Variants in GALNT6 observed in about 807,000 individuals in gnomAD.
GALNT6 encodes GalNAc transferase 6.
Under a neutral mutation model 65.9 loss-of-function variants are expected in GALNT6, and 51 were observed. The observed-to-expected ratio is 0.77, with a 90% CI of 0.62 to 0.98. The LOEUF is 0.98. GALNT6 is among the 50% of genes least tolerant of loss of function. The pLI is 0.00. For synonymous variants in GALNT6, 323 were observed against 315.1 expected (o/e 1.02, Z -0.26); for missense variants, 708 against 803.3 (o/e 0.88, Z 1.43).
At chr12:51,357,308 G>T in intron 10 of GALNT6, 41 bp downstream of exon 10, 1 of 1,274,984 alleles carries the variant, frequency 7.8e-7, no homozygotes, top group Non-Finnish European at 1.1e-6. Flanking sequence ...AAAGGAGCCG[G>T]TGAGGAGAGG....
chr12:51,381,920 A>G (rs1947685747), intron 2 of GALNT6, among the ~76,000 whole-genome samples: 1 of 152,260 alleles, frequency 6.6e-6, no homozygotes. Context: ...TTGCTTAAAA[A>G]TAACTCTGGT....
At chr12:51,357,926 C>T (rs1946800906) in intron 9 of GALNT6, among the ~76,000 whole-genome samples, 1 of 152,214 alleles carries the variant, frequency 6.6e-6, no homozygotes, top group African/African-American at 2.4e-5. Context: ...TTCAGGACCA[C>T]TGCTTGTGGG....
chr12:51,377,201 T>G lies in GALNT6; in HGVS notation c.658A>C (p.Thr220Pro), dbSNP rs1947483033. The G allele has an allele frequency of 6.2e-7, 1 of 1,613,346 alleles. No individual in the cohort carries two copies. Among genetic ancestry groups the G allele is most frequent in the South Asian group, 1.1e-5 (1 of 91,050 alleles). Residue 220 changes from threonine to proline, a missense_variant, in exon 4 of 12, where the codon ACA (threonine) becomes CCA (proline). Thr to Pro is a conservative substitution (Grantham distance 38). Transcript: ENST00000356317. ...KEIILVDDAS[T>P]EEHLKEKLEQ... The stretch of plus-strand genomic sequence containing the variant: ...TGGGCCCCTCCAGCCTCACCCTCTG[T>G]GCTGGCATCATCCACCAGTATGATC...
At chr12:51,371,410 T>G (rs1947291561) in intron 4 of GALNT6, among the ~76,000 whole-genome samples, 1 of 152,168 alleles carries the variant, frequency 6.6e-6, no homozygotes, top group Non-Finnish European at 1.5e-5. Context: ...CAGCACTCTT[T>G]CTGCTCCCTG....
chr12:51,377,422 T>A (rs1277813346), intron 3 of GALNT6, 55 bp from the exon 4 acceptor site: 15 of 1,513,380 alleles, frequency 9.9e-6, no homozygotes, highest in Non-Finnish European at 1.4e-5. Context: ...GTACCAGGTG[T>A]GGGGAGGGCC....
chr12:51,385,623 GC>G (rs1033053744), intron 2 of GALNT6, among the ~76,000 whole-genome samples: 6 of 151,982 alleles, frequency 3.9e-5, no homozygotes, highest in South Asian at 4.2e-4. Context: ...TTATATTCTA[GC>G]CCCCCTCCAA....
intron 3 of GALNT6, among the ~76,000 whole-genome samples, chr12:51,377,754 G>A (rs866130685): frequency 6.6e-6 from 1 of 152,200 alleles, no homozygotes. Context: ...AGGTCCCAGA[G>A]GGGTAGGTAA....
chr12:51,373,923 A>C (rs957610566), intron 4 of GALNT6, among the ~76,000 whole-genome samples: 8 of 152,172 alleles, frequency 5.3e-5, no homozygotes. Flanking sequence ...ACAATGGTGC[A>C]GTCAAGGCTC....
chr12:51,366,562 A>G (rs1336196320), intron 4 of GALNT6, among the ~76,000 whole-genome samples: 1 of 152,240 alleles, frequency 6.6e-6, no homozygotes, highest in Non-Finnish European at 1.5e-5. Context: ...CACAGTGGCG[A>G]GCCCAGCCGG....
chr12:51,382,397 A>T (rs1947704506), intron 2 of GALNT6: 1 of 152,710 alleles, frequency 6.5e-6, no homozygotes, highest in Admixed American at 6.5e-5. Flanking sequence ...GGAGGGCAAC[A>T]TCTGTGAAGA....
intron 2 of GALNT6, among the ~76,000 whole-genome samples, chr12:51,389,405 G>C (rs778636689): frequency 2.6e-5 from 4 of 152,232 alleles, no homozygotes; most frequent in Non-Finnish European, 4.4e-5. Flanking sequence ...CAAGTAACTT[G>C]ACCAAGGTCA....
chr12:51,388,853 AC>A (rs1318978467), intron 2 of GALNT6, among the ~76,000 whole-genome samples: 3 of 152,180 alleles, frequency 2.0e-5, no homozygotes. Flanking sequence ...ATTCTCTATT[AC>A]GTGCAGAGTT....
Position 51,355,844 on chromosome 12 carries a change from T to C in GALNT6, c.1717A>G (p.Ser573Gly), listed in dbSNP as rs762020795. 3 of 1,613,786 alleles carry C rather than the reference T, an allele frequency of 1.9e-6. No homozygotes were observed. The African/African-American group carries it at 4.0e-5, about 22-fold the overall frequency. ...CATTCCTCGTCCTTGGGGACCTGGC[T>C]ATTCTTGCCAGTGAAGTGACAGCTC... ...LGSCHFTGKN[S>G]QVPKDEEWEL... Residue 573 changes from serine to glycine, a missense_variant, in exon 11 of 12, where the codon AGC (serine) becomes GGC (glycine). Physicochemically the swap from Ser to Gly is moderately conservative, Grantham distance 56. Coordinates refer to ENST00000356317, the MANE Select transcript of GALNT6 (RefSeq NM_007210.4).
chr12:51,368,017 AT>A (rs200864181), intron 4 of GALNT6, among the ~76,000 whole-genome samples: 3,374 of 145,846 alleles, frequency 0.023, 78 homozygotes, highest in East Asian at 0.13. Context: ...AGGCCATGGA[AT>A]TTTTTTTTTT....
chr12:51,359,188 T>C lies in GALNT6; in HGVS notation c.1312A>G (p.Ser438Gly). The change falls in exon 8 of 12, where the codon AGC becomes GGC. Residue 438 changes from serine to glycine, a missense_variant. Ser to Gly is a moderately conservative substitution (Grantham distance 56). Transcript: ENST00000356317. Reference protein sequence around the residue: ...QVRLAEVWMDSYKKIFYRRNL... With the variant: ...QVRLAEVWMDGYKKIFYRRNL... Reference sequence around the variant, plus strand: ...CTCCTATAGAAAATCTTCTTGTAGCTGTCCATCCAGACCTCTGCCAGGCGC... The same window carrying C: ...CTCCTATAGAAAATCTTCTTGTAGCCGTCCATCCAGACCTCTGCCAGGCGC... The C allele has an allele frequency of 6.2e-7, 1 of 1,614,220 alleles. No homozygotes were observed. The highest frequency in any genetic ancestry group is 8.5e-7 in the Non-Finnish European group (1 of 1,180,014).
In GALNT6 at chr12:51,359,199, A is replaced by G. The variant is rs765394148; in HGVS notation, c.1301T>C (p.Val434Ala). The G allele has an allele frequency of 6.2e-7, 1 of 1,613,988 alleles. No individual in the cohort carries two copies. The highest frequency in any genetic ancestry group is 2.2e-5 in the East Asian group (1 of 44,876). The change falls in exon 8 of 12, where the codon GTC (valine) becomes GCC (alanine). Residue 434 changes from valine (V) to alanine (A), a missense_variant. Coordinates refer to ENST00000356317, the MANE Select transcript of GALNT6 (RefSeq NM_007210.4). ...IARNQVRLAE[V>A]WMDSYKKIFY... ...AATCTTCTTGTAGCTGTCCATCCAG[A>G]CCTCTGCCAGGCGCACTTGATTGCG...
intron 8 of GALNT6, 55 bp from the exon 9 acceptor site, chr12:51,358,316 T>C: frequency 6.3e-7 from 1 of 1,576,578 alleles, no homozygotes; most frequent in East Asian, 2.3e-5. Flanking sequence ...TTTTTTTTTT[T>C]TTAAGAGGGA....
chr12:51,361,093 C>A (rs1946912861), intron 6 of GALNT6, among the ~76,000 whole-genome samples: 1 of 152,192 alleles, frequency 6.6e-6, no homozygotes, highest in South Asian at 2.1e-4. Flanking sequence ...ACCTAGGATG[C>A]ACGTAACACT....
chr12:51,364,130 T>A lies in GALNT6; in HGVS notation c.1040A>T (p.Tyr347Phe). The A allele has an allele frequency of 6.2e-7, 1 of 1,612,566 alleles. No homozygotes were observed. The highest frequency in any genetic ancestry group is 1.1e-5 in the South Asian group (1 of 91,052). ...HEKQRRKDET[Y>F]PIKSPTFAGG... is the part of the protein sequence containing the mutation. ...AGGCTGCGGTCCTTACTTGATGGGG[T>A]AGGTTTCATCCTTGCGCCTCTGCTT... is the stretch of plus-strand genomic sequence containing the variant. The change falls in exon 6 of 12, where the codon TAC becomes TTC. Residue 347 changes from tyrosine (Y) to phenylalanine (F), a missense_variant. Physicochemically the swap from Tyr to Phe is conservative, Grantham distance 22. Transcript: ENST00000356317.
Sources: allele counts gnomAD v4.1 joint callset (sites outside exome capture counted in the v4.1 genomes callset), GRCh38; gene constraint gnomAD v4.1.1; transcripts MANE v1.5; gene names NCBI Gene and HGNC (gene_info 2026-07-23, HGNC 2026-07-21).